CDH18: variants seen among roughly 807,000 people sequenced by gnomAD.
CDH18 encodes the protein cadherin-18.
A neutral mutation model predicts 67.9 loss-of-function variants in CDH18; 31 were observed. The observed-to-expected ratio is 0.46, with a 90% CI of 0.34 to 0.62. The LOEUF (loss-of-function observed/expected upper bound fraction) is 0.62. CDH18 is among the 20% of genes least tolerant of loss of function. CDH18 has a pLI of 0.01. For synonymous variants in CDH18, 362 were observed against 347.2 expected, an observed-to-expected ratio of 1.04 and a Z score of -0.48; for missense variants, 890 against 975.5, an observed-to-expected ratio of 0.91 and a Z score of 1.17.
chr5:20,227,458 T>C (rs1367394082), intron 2 of CDH18, among the ~76,000 whole-genome samples: 1 of 152,106 alleles, frequency 6.6e-6, no homozygotes, highest in Non-Finnish European at 1.5e-5. Context: ...TAATCAATCA[T>C]CACCCAACTC....
chr5:19,695,081 A>T (rs551303427), intron 5 of CDH18, among the ~76,000 whole-genome samples: 1 of 152,190 alleles, frequency 6.6e-6, no homozygotes, highest in African/African-American at 2.4e-5. Context: ...TGCCTGTGGG[A>T]TCACACGAGT....
chr5:19,896,944 A>G (rs1461167609), intron 2 of CDH18, among the ~76,000 whole-genome samples: 1 of 152,160 alleles, frequency 6.6e-6, no homozygotes, highest in Non-Finnish European at 1.5e-5. Flanking sequence ...CTCAAAATTA[A>G]AATTTAATTT....
At chr5:20,288,131 C>T (rs979343407) in intron 1 of CDH18, among the ~76,000 whole-genome samples, 9 of 151,570 alleles carry the variant, frequency 5.9e-5, no homozygotes, top group Middle Eastern at 3.4e-3. Flanking sequence ...AAAATGAAGG[C>T]ATAAATTCCT....
intron 2 of CDH18, among the ~76,000 whole-genome samples, chr5:20,108,565 C>T (rs1747189524): frequency 6.6e-6 from 1 of 152,032 alleles, no homozygotes; most frequent in Admixed American, 6.6e-5. Context: ...AAAATCACCA[C>T]ACTCATCCCT....
At chr5:20,123,820 GA>G (rs1748581909) in intron 2 of CDH18, among the ~76,000 whole-genome samples, 1 of 151,062 alleles carries the variant, frequency 6.6e-6, no homozygotes, top group Admixed American at 6.6e-5. Flanking sequence ...CCCGGAGGCG[GA>G]GCTTGCAGTG....
intron 5 of CDH18, among the ~76,000 whole-genome samples, chr5:19,633,014 C>T (rs1029113504): frequency 5.9e-5 from 9 of 152,134 alleles, no homozygotes; most frequent in African/African-American, 1.9e-4. Context: ...TAGTGGCCAA[C>T]GTAGTGTGCT....
At chr5:20,329,952 AT>A (rs1739008975) in intron 1 of CDH18, among the ~76,000 whole-genome samples, 1 of 152,078 alleles carries the variant, frequency 6.6e-6, no homozygotes, top group African/African-American at 2.4e-5. Flanking sequence ...ATTTTCTAAG[AT>A]TAATTACATT....
At chr5:19,943,250 T>C (rs546627219) in intron 2 of CDH18, among the ~76,000 whole-genome samples, 2 of 152,258 alleles carry the variant, frequency 1.3e-5, no homozygotes, top group South Asian at 4.1e-4. Context: ...TTGACAAGCA[T>C]ATACAGTTGC....
intron 1 of CDH18, among the ~76,000 whole-genome samples, chr5:20,388,366 T>A (rs1562023656): frequency 6.6e-6 from 1 of 152,330 alleles, no homozygotes; most frequent in African/African-American, 2.4e-5. Context: ...GAGGTGTTTA[T>A]AGTATTTTCT....
intron 2 of CDH18, among the ~76,000 whole-genome samples, chr5:20,196,178 T>A (rs1738959609): frequency 2.0e-5 from 3 of 152,184 alleles, no homozygotes; most frequent in Non-Finnish European, 4.4e-5. Flanking sequence ...ACAATTTTCC[T>A]TTCTGACACT....
intron 1 of CDH18, among the ~76,000 whole-genome samples, chr5:20,457,191 T>C (rs1229621477): frequency 6.6e-6 from 1 of 152,142 alleles, no homozygotes; most frequent in Non-Finnish European, 1.5e-5. Context: ...GTCACAGGTT[T>C]TTATTGTATT....
chr5:20,173,942 A>G (rs1285569516), intron 2 of CDH18, among the ~76,000 whole-genome samples: 1 of 152,152 alleles, frequency 6.6e-6, no homozygotes, highest in Admixed American at 6.6e-5. Context: ...AATTAATGCT[A>G]ACATGATTAA....
At chr5:19,954,310 G>A (rs1335737280) in intron 2 of CDH18, among the ~76,000 whole-genome samples, 1 of 151,926 alleles carries the variant, frequency 6.6e-6, no homozygotes, top group Non-Finnish European at 1.5e-5. Flanking sequence ...TTTTTCTTTG[G>A]TTTAATTTTG....
intron 2 of CDH18, among the ~76,000 whole-genome samples, chr5:20,028,880 G>A (rs1739145984): frequency 6.6e-6 from 1 of 152,106 alleles, no homozygotes; most frequent in African/African-American, 2.4e-5. Context: ...AGGTAAGGGG[G>A]CACTACTGTA....
intron 2 of CDH18, among the ~76,000 whole-genome samples, chr5:20,123,453 T>C (rs1748542953): frequency 6.6e-6 from 1 of 152,162 alleles, no homozygotes; most frequent in South Asian, 2.1e-4. Flanking sequence ...CTTCTTTCCC[T>C]CTCTTGTTCA....
chr5:19,924,548 C>A (rs1318711455), intron 2 of CDH18, among the ~76,000 whole-genome samples: 1 of 152,064 alleles, frequency 6.6e-6, no homozygotes, highest in Non-Finnish European at 1.5e-5. Flanking sequence ...ATCACTTGAG[C>A]CTGGGAGACG....
chr5:19,983,006 C>T (rs1368466435), intron 1 of CDH18, among the ~76,000 whole-genome samples: 6 of 73,742 alleles, frequency 8.1e-5, no homozygotes, highest in Non-Finnish European at 1.5e-4. Flanking sequence ...GTCGTCCAGC[C>T]TGGGCGACAG....
At position 19,925,385 on chromosome 5, in the gene CDH18, G is replaced by C. The variant is rs981825233; in HGVS notation, c.-257+55675C>G. ...AGGTTTATGGTATTGCAGTAAAAAT[G>C]ATGAAAAATATGCAAGAACGCAAGA... On this transcript the variant is annotated intron_variant, in intron 2 of 12. Coordinates refer to ENST00000382275, the MANE Select transcript of CDH18 (RefSeq NM_004934.5). 3.3e-5 allele frequency among the ~76,000 whole-genome samples: 5 copies of C among 152,332 alleles called. No homozygotes were observed. In the East Asian group the frequency reaches 9.7e-4, roughly 29 times the overall value.
chr5:20,306,415 A>G (rs909931100), intron 1 of CDH18, among the ~76,000 whole-genome samples: 1 of 150,816 alleles, frequency 6.6e-6, no homozygotes, highest in African/African-American at 2.5e-5. Flanking sequence ...CCCGAACTCA[A>G]AGTAGCCTTT....
Sources: gnomAD v4.1 joint callset for allele counts (sites outside exome capture counted in the v4.1 genomes callset) on GRCh38, gnomAD v4.1.1 for gene constraint, MANE v1.5 for transcripts, NCBI Gene and HGNC (gene_info 2026-07-23, HGNC 2026-07-21) for gene names.